Variants in IL1RAPL1 observed in about 807,000 individuals in gnomAD.
IL1RAPL1 encodes the protein interleukin-1 receptor accessory protein-like 1.
A neutral mutation model predicts 48.4 loss-of-function variants in IL1RAPL1; 3 were observed. The observed-to-expected ratio is 0.06, with a 90% confidence interval of 0.03 to 0.16. The LOEUF (loss-of-function observed/expected upper bound fraction) is 0.16. Ranked by LOEUF, IL1RAPL1 falls within the 10% of genes least tolerant of loss-of-function variation. The pLI, the probability that IL1RAPL1 is intolerant of heterozygous loss-of-function variation, is 1.00. For missense variants in IL1RAPL1, 349 were observed against 530.6 expected (o/e 0.66, Z 3.36); for synonymous variants, 185 against 187.7 (o/e 0.99, Z 0.12).
At chrX:28,724,035 A>T (rs1479573938) in intron 1 of IL1RAPL1, among the ~76,000 whole-genome samples, 1 of 111,690 alleles carries the variant, frequency 9.0e-6, no homozygotes, top group African/African-American at 3.3e-5. Context: ...GTTTTGGAAT[A>T]AGTGTGATGT....
rs767389943 is a variant in IL1RAPL1 at position 28,815,200 on chromosome X, A to G, written c.82+25775A>G. Among the ~76,000 whole-genome samples the G allele has an allele frequency of 4.5e-5, 5 of 110,730 alleles. No homozygotes were observed. The East Asian group carries it at 1.4e-3, about 32-fold the overall frequency. Reference sequence around the variant, plus strand: ...ACCTCTGCCTGAAAAAACATTTCACATTTCTTGCAGGGCAGATCTGCTATG... The same window carrying G: ...ACCTCTGCCTGAAAAAACATTTCACGTTTCTTGCAGGGCAGATCTGCTATG... On this transcript the variant is annotated intron_variant, in intron 2 of 10. Transcript: ENST00000378993.
At chrX:28,966,351 A>G (rs907866197) in intron 2 of IL1RAPL1, among the ~76,000 whole-genome samples, 4 of 111,988 alleles carry the variant, frequency 3.6e-5, no homozygotes, top group Non-Finnish European at 7.5e-5. Context: ...TCGAAAGATG[A>G]GAATGCCTTG....
At chrX:29,913,009 G>A (rs1214920281) in intron 6 of IL1RAPL1, among the ~76,000 whole-genome samples, 5 of 111,385 alleles carry the variant, frequency 4.5e-5, no homozygotes, top group Non-Finnish European at 7.5e-5. Flanking sequence ...CAAACACAAG[G>A]TAATACAGTT....
intron 2 of IL1RAPL1, among the ~76,000 whole-genome samples, chrX:28,901,144 T>A (rs1222699385): frequency 9.0e-6 from 1 of 111,177 alleles, no homozygotes; most frequent in Non-Finnish European, 1.9e-5. Context: ...TGCATGCAAA[T>A]GAAAGAAAAA....
intron 2 of IL1RAPL1, among the ~76,000 whole-genome samples, chrX:29,087,134 A>T (rs564331873): frequency 0.013 from 1,106 of 84,712 alleles, 22 homozygotes; most frequent in African/African-American, 0.041. Flanking sequence ...TTATTTAAAA[A>T]TTTTTTTTTT....
chrX:29,782,092 G>GTCTATCTA (rs1268932298), intron 6 of IL1RAPL1, among the ~76,000 whole-genome samples: 68 of 74,260 alleles, frequency 9.2e-4, no homozygotes, highest in African/African-American at 1.7e-3. Context: ...CTGTCTGTCT[G>GTCTATCTA]TCTGTCTGTC....
chrX:29,351,100 A>G (rs1160362551), intron 3 of IL1RAPL1, among the ~76,000 whole-genome samples: 3 of 111,854 alleles, frequency 2.7e-5, no homozygotes, highest in Non-Finnish European at 3.8e-5. Flanking sequence ...GAATTTTAAG[A>G]AACTTACATT....
intron 2 of IL1RAPL1, among the ~76,000 whole-genome samples, chrX:28,820,964 TAG>T: frequency 9.0e-6 from 1 of 111,491 alleles, no homozygotes; most frequent in East Asian, 2.8e-4. Flanking sequence ...CCCCTTGTGA[TAG>T]AGAGTACAAA....
At chrX:28,774,804 C>T (rs1936345459) in intron 1 of IL1RAPL1, among the ~76,000 whole-genome samples, 1 of 111,674 alleles carries the variant, frequency 9.0e-6, no homozygotes, top group African/African-American at 3.3e-5. Context: ...AACAAAACGA[C>T]TTCCTGACTT....
chrX:29,440,232 C>G (rs771701607), intron 5 of IL1RAPL1, among the ~76,000 whole-genome samples: 24 of 109,768 alleles, frequency 2.2e-4, no homozygotes, highest in African/African-American at 4.3e-4. Context: ...AAAAAAGAAC[C>G]CTGGGGACAG....
intron 6 of IL1RAPL1, among the ~76,000 whole-genome samples, chrX:29,759,922 C>T (rs1601811264): frequency 1.8e-5 from 2 of 111,516 alleles, no homozygotes; most frequent in Non-Finnish European, 1.9e-5. Flanking sequence ...ACCGTAACAA[C>T]TTAAATGACT....
At chrX:29,045,705 G>T (rs1926940722) in intron 2 of IL1RAPL1, among the ~76,000 whole-genome samples, 1 of 111,324 alleles carries the variant, frequency 9.0e-6, no homozygotes, top group South Asian at 3.8e-4. Flanking sequence ...GGGCATATAG[G>T]CAGGCATGAG....
intron 2 of IL1RAPL1, among the ~76,000 whole-genome samples, chrX:28,800,414 A>C (rs5985912): frequency 0.078 from 8,640 of 111,469 alleles, 610 homozygotes; most frequent in African/African-American, 0.23. Context: ...ATGGATTTTG[A>C]AATTGTCCTC....
At chrX:29,673,443 G>A in intron 6 of IL1RAPL1, among the ~76,000 whole-genome samples, 1 of 111,299 alleles carries the variant, frequency 9.0e-6, no homozygotes, top group South Asian at 3.8e-4. Context: ...GTTGTCATAA[G>A]CAAATGTAAG....
intron 2 of IL1RAPL1, among the ~76,000 whole-genome samples, chrX:28,992,489 C>CAAAA (rs1246127181): frequency 1.2e-4 from 2 of 16,492 alleles, no homozygotes; most frequent in African/African-American, 4.2e-4. Context: ...GACTCTGTCT[C>CAAAA]AAAAAAAAAA....
intron 8 of IL1RAPL1, among the ~76,000 whole-genome samples, chrX:29,933,987 T>A (rs1413560647): frequency 9.1e-6 from 1 of 109,830 alleles, no homozygotes; most frequent in Admixed American, 9.8e-5. Flanking sequence ...GATAAAGTCA[T>A]TGCTTACAAT....
In IL1RAPL1 at chrX:29,840,059, TG is replaced by T. The variant is rs201445303; in HGVS notation, c.779-77399del. ...TGTTAATAAAGCCTATATGTTGCAC[TG>T]GGGGGTCGCAGGCTAGAAGAGGTCA... On this transcript the variant is annotated intron_variant, in intron 6 of 10. Coordinates refer to ENST00000378993, the MANE Select transcript of IL1RAPL1 (RefSeq NM_014271.4). Among the ~76,000 whole-genome samples, 1,087 of 112,316 alleles carry T rather than the reference TG, an allele frequency of 9.7e-3. 16 individuals are homozygous for T. Among genetic ancestry groups the T allele is most frequent in the African/African-American group, 0.032 (1,002 of 30,940 alleles).
intron 6 of IL1RAPL1, among the ~76,000 whole-genome samples, chrX:29,785,627 T>C (rs1456345615): frequency 8.9e-6 from 1 of 112,151 alleles, no homozygotes; most frequent in Non-Finnish European, 1.9e-5. Context: ...TCATGGCAGC[T>C]ATATTCATAA....
At chrX:29,132,867 T>G (rs1929051156) in intron 2 of IL1RAPL1, among the ~76,000 whole-genome samples, 1 of 111,581 alleles carries the variant, frequency 9.0e-6, no homozygotes, top group Admixed American at 9.6e-5. Flanking sequence ...GTTGGCTTTT[T>G]AGATTTTTTT....
Sources: gnomAD v4.1 joint callset for allele counts (sites outside exome capture counted in the v4.1 genomes callset) on GRCh38, gnomAD v4.1.1 for gene constraint, MANE v1.5 for transcripts, NCBI Gene and HGNC (gene_info 2026-07-23, HGNC 2026-07-21) for gene names.